The following CD200R1L variants were observed in gnomAD, a reference collection of about 807,000 sequenced individuals.
The protein encoded by CD200R1L is cell surface glycoprotein CD200 receptor 2.
Under a neutral mutation model 24.8 loss-of-function variants are expected in CD200R1L, and 14 were observed. The observed-to-expected ratio is 0.56, with a 90% CI of 0.37 to 0.88. The LOEUF (loss-of-function observed/expected upper bound fraction) is 0.88, where lower values mean the gene tolerates loss of function less well. Ranked by LOEUF, CD200R1L falls within the 40% of genes least tolerant of loss-of-function variation. The probability of loss-of-function intolerance (pLI) is 0.00; values close to 1 mark genes in which losing one functional copy is unlikely to be tolerated. For synonymous variants in CD200R1L, 111 were observed against 109.2 expected, an observed-to-expected ratio of 1.02 and a Z score of -0.11; for missense variants, 299 against 297.8, an observed-to-expected ratio of 1.00 and a Z score of -0.03.
At chr3:112,826,847 A>G in intron 6 of CD200R1L, 146 bp downstream of exon 6, 3 of 877,300 alleles carry the variant, frequency 3.4e-6, no homozygotes, top group Admixed American at 2.8e-5. Context: ...GACAGATTCT[A>G]GCGTTGTAAT....
chr3:112,832,658 G>T (rs563876728), intron 3 of CD200R1L, among the ~76,000 whole-genome samples: 1 of 152,152 alleles, frequency 6.6e-6, no homozygotes, highest in East Asian at 1.9e-4. Flanking sequence ...AATTACCAAA[G>T]TATCAGCCCC....
intron 2 of CD200R1L, among the ~76,000 whole-genome samples, chr3:112,844,080 A>T (rs1415712506): frequency 1.3e-5 from 2 of 152,262 alleles, no homozygotes; most frequent in African/African-American, 4.8e-5. Context: ...CTGTGGAAAG[A>T]CTTAGCCACT....
chr3:112,841,838 T>C (rs536404481), intron 2 of CD200R1L, among the ~76,000 whole-genome samples: 2 of 152,176 alleles, frequency 1.3e-5, no homozygotes, highest in African/African-American at 4.8e-5. Flanking sequence ...GATCCCAAAG[T>C]CCAGGGTTCA....
At chr3:112,842,834 G>T (rs905955149) in intron 2 of CD200R1L, among the ~76,000 whole-genome samples, 1 of 152,114 alleles carries the variant, frequency 6.6e-6, no homozygotes, top group Non-Finnish European at 1.5e-5. Flanking sequence ...TGGTCAGACC[G>T]GTTCTCTGCT....
Position 112,815,848 on chromosome 3 carries a change from C to T in CD200R1L, c.*115G>A, listed in dbSNP as rs1938373824. 4.1e-6 allele frequency: 3 copies of T among 725,180 alleles called. No individual in the cohort carries two copies. Among genetic ancestry groups the T allele is most frequent in the African/African-American group, 1.8e-5 (1 of 56,794 alleles). The allele number at this position is 725,180 out of a possible 1,614,324, so 44.9% of individuals were successfully genotyped here. On this transcript the variant is annotated 3_prime_UTR_variant, in exon 8 of 8. Coordinates refer to ENST00000488794, the MANE Select transcript of CD200R1L (RefSeq NM_001199215.3). The stretch of plus-strand genomic sequence containing the variant: ...TCTTTTCTTCTATCCTACTGAGTGG[C>T]TTCTATCCTTAACATCATCCATGGC...
chr3:112,824,242 G>A (rs1257909016), intron 6 of CD200R1L, among the ~76,000 whole-genome samples: 3 of 152,198 alleles, frequency 2.0e-5, no homozygotes, highest in Non-Finnish European at 2.9e-5. Context: ...GACTGGCATT[G>A]AATATGGGGA....
chr3:112,823,652 G>T (rs980607642), intron 6 of CD200R1L, among the ~76,000 whole-genome samples: 1 of 152,202 alleles, frequency 6.6e-6, no homozygotes, highest in East Asian at 1.9e-4. Flanking sequence ...CATGCATGAA[G>T]CATTCTGTGA....
chr3:112,826,937 T>C, intron 6 of CD200R1L, 56 bp downstream of exon 6: 1 of 1,504,110 alleles, frequency 6.6e-7, no homozygotes. Context: ...CGTTATTTTC[T>C]ATGGAAGAAA....
Position 112,819,877 on chromosome 3 carries a change from G to A in CD200R1L, c.635C>T (p.Ser212Phe). Residue 212 changes from serine (S) to phenylalanine (F), a missense_variant, in exon 7 of 8, where the codon TCT (serine) becomes TTT (phenylalanine). By Grantham distance (155) the Ser-to-Phe change is radical (BLOSUM62 -2). Coordinates refer to ENST00000488794, the MANE Select transcript of CD200R1L (RefSeq NM_001199215.3). The part of the protein sequence containing the change: ...KLNSGLRTSG[S>F]PALSLLIILY... ...AATGATCAGTAAGGACAACGCTGGA[G>A]ATCCTGAGGTTCTGAGACCTTTAAA... 1 of 1,603,518 alleles carries A rather than the reference G, an allele frequency of 6.2e-7. No individual in the cohort carries two copies. The highest frequency in any genetic ancestry group is 8.5e-7 in the Non-Finnish European group (1 of 1,176,890).
intron 3 of CD200R1L, among the ~76,000 whole-genome samples, chr3:112,832,654 CA>C (rs1448024996): frequency 6.6e-6 from 1 of 152,112 alleles, no homozygotes; most frequent in East Asian, 1.9e-4. Flanking sequence ...GCAAAATTAC[CA>C]AAGTATCAGC....
chr3:112,843,717 A>T (rs1197090212), intron 2 of CD200R1L, among the ~76,000 whole-genome samples: 1 of 152,224 alleles, frequency 6.6e-6, no homozygotes, highest in Non-Finnish European at 1.5e-5. Flanking sequence ...TTAATATGGA[A>T]TTAACCTAAA....
chr3:112,817,976 C>G (rs544248595), intron 7 of CD200R1L, among the ~76,000 whole-genome samples: 22 of 152,208 alleles, frequency 1.4e-4, no homozygotes, highest in African/African-American at 2.2e-4. Flanking sequence ...AAGCAGAAAC[C>G]CTTGATAAAC....
At chr3:112,839,162 A>G (rs894814451) in intron 2 of CD200R1L, among the ~76,000 whole-genome samples, 26 of 152,226 alleles carry the variant, frequency 1.7e-4, no homozygotes, top group African/African-American at 6.0e-4. Flanking sequence ...ATTTGGTACC[A>G]TAAGTGGTCC....
chr3:112,846,004 C>T (rs867913988), intron 1 of CD200R1L, 54 bp from the exon 2 acceptor site: 2 of 373,774 alleles, frequency 5.4e-6, no homozygotes, highest in East Asian at 9.4e-5. Context: ...TCTCCCACAA[C>T]ATTGAAGTAG....
chr3:112,834,234 C>CTTT (rs5851866), intron 3 of CD200R1L, among the ~76,000 whole-genome samples: 2 of 93,282 alleles, frequency 2.1e-5, no homozygotes, highest in African/African-American at 4.2e-5. Flanking sequence ...CACCATCATT[C>CTTT]TTTTTTTTTT....
chr3:112,835,690 C>A (rs1396157064), intron 3 of CD200R1L, among the ~76,000 whole-genome samples: 1 of 152,234 alleles, frequency 6.6e-6, no homozygotes, highest in Non-Finnish European at 1.5e-5. Context: ...GCTGTTCATG[C>A]CGAGGGGCAC....
At chr3:112,820,171 T>C (rs1938500751) in intron 6 of CD200R1L, among the ~76,000 whole-genome samples, 1 of 152,212 alleles carries the variant, frequency 6.6e-6, no homozygotes, top group Non-Finnish European at 1.5e-5. Flanking sequence ...TCCAATTTTA[T>C]AAGAAAAGCA....
intron 2 of CD200R1L, among the ~76,000 whole-genome samples, chr3:112,843,026 C>T (rs551865984): frequency 1.3e-5 from 2 of 152,144 alleles, no homozygotes; most frequent in East Asian, 3.8e-4. Context: ...CTTTGTTAAA[C>T]CTGCTCTGAG....
chr3:112,827,056 T>TAACATCAA lies in CD200R1L; in HGVS notation c.552_553insTTGATGTT (p.Thr185LeufsTer5), dbSNP rs781561061. 6 of 1,602,636 alleles carry TAACATCAA rather than the reference T, an allele frequency of 3.7e-6. No individual in the cohort carries two copies. Among genetic ancestry groups the TAACATCAA allele is most frequent in the Non-Finnish European group, 4.3e-6 (5 of 1,173,382 alleles). On this transcript the variant is annotated frameshift_variant, in exon 6 of 8. Transcript: ENST00000488794. LOFTEE classifies it high-confidence loss of function. ...AAATGGGAGACATGGCAGGTCACAGTAGACTTGTGGCCCTCCCAGGGGCAT... is the reference window on the plus strand; with the variant it reads ...AAATGGGAGACATGGCAGGTCACAGTAACATCAAAGACTTGTGGCCCTCCCAGGGGCAT...
Sources: gnomAD v4.1 joint callset for allele counts (sites outside exome capture counted in the v4.1 genomes callset) on GRCh38, gnomAD v4.1.1 for gene constraint, MANE v1.5 for transcripts, NCBI Gene and HGNC (gene_info 2026-07-23, HGNC 2026-07-21) for gene names.